PPP1R2: variants seen among roughly 807,000 people sequenced by gnomAD.
PPP1R2 encodes protein phosphatase 1 regulatory inhibitor subunit 2.
A neutral mutation model predicts 29.9 loss-of-function variants in PPP1R2; 16 were observed. The observed-to-expected ratio is 0.53, with a 90% confidence interval of 0.36 to 0.81. The LOEUF (loss-of-function observed/expected upper bound fraction) is 0.81, where lower values mean the gene tolerates loss of function less well. Among genes scored for constraint, PPP1R2 ranks in the 30% least tolerant of loss-of-function variants. PPP1R2 has a pLI of 0.00. For synonymous variants in PPP1R2, 76 were observed against 91.5 expected (o/e 0.83, Z 0.96); for missense variants, 197 against 252.7 (o/e 0.78, Z 1.49).
At chr3:195,535,074 GT>G (rs2108951788) in intron 1 of PPP1R2, among the ~76,000 whole-genome samples, 1 of 152,324 alleles carries the variant, frequency 6.6e-6, no homozygotes, top group Non-Finnish European at 1.5e-5. Flanking sequence ...TTTAGCACCA[GT>G]GAGCGGTTTC....
At chr3:195,531,608 T>C (rs1019643839) in intron 1 of PPP1R2, among the ~76,000 whole-genome samples, 3 of 152,246 alleles carry the variant, frequency 2.0e-5, no homozygotes, top group African/African-American at 7.2e-5. Flanking sequence ...AGCACTTTTT[T>C]TCTTCATTTT....
intron 1 of PPP1R2, among the ~76,000 whole-genome samples, chr3:195,532,666 A>G (rs1021331751): frequency 2.2e-4 from 34 of 152,196 alleles, no homozygotes; most frequent in African/African-American, 8.0e-4. Context: ...CTTGAATATT[A>G]TGAGTTTGAA....
chr3:195,536,176 G>T (rs1719374586), intron 1 of PPP1R2, among the ~76,000 whole-genome samples: 1 of 151,988 alleles, frequency 6.6e-6, no homozygotes, highest in Non-Finnish European at 1.5e-5. Context: ...AGTTTTGGGG[G>T]GCTGGGCACA....
At position 195,527,790 on chromosome 3, in the gene PPP1R2, C is replaced by T. The variant is rs376901693; in HGVS notation, c.230+2004G>A. On this transcript the variant is annotated intron_variant, in intron 2 of 5. Coordinates refer to ENST00000618156, the MANE Select transcript of PPP1R2 (RefSeq NM_006241.8). The stretch of plus-strand genomic sequence containing the variant: ...GCGGAGGAGGGAGGATCACTTGAGT[C>T]GGGAGTTCCAGGCTGTAGTGTGCTA... 445 of 196,476 alleles carry T rather than the reference C, an allele frequency of 2.3e-3. 1 individual carries two copies. The highest frequency in any genetic ancestry group is 3.7e-3 in the South Asian group (54 of 14,646). 12.2% of individuals were successfully genotyped at this position (196,476 alleles called of 1,614,324 possible). A position where few individuals can be genotyped will look rare whatever the true frequency, so the allele number is the denominator to read the frequency against.
At chr3:195,536,687 C>A (rs1719397649) in intron 1 of PPP1R2, among the ~76,000 whole-genome samples, 1 of 149,894 alleles carries the variant, frequency 6.7e-6, no homozygotes, top group East Asian at 2.0e-4. Flanking sequence ...ACTCAGGGGG[C>A]TGAGGCTGGA....
At chr3:195,538,058 T>C (rs1719460413) in intron 1 of PPP1R2, among the ~76,000 whole-genome samples, 1 of 152,210 alleles carries the variant, frequency 6.6e-6, no homozygotes, top group African/African-American at 2.4e-5. Flanking sequence ...TATGACCTCC[T>C]TTGAGGTCAG....
chr3:195,542,864 G>C (rs1451899481), intron 1 of PPP1R2, 40 bp downstream of exon 1: 2 of 1,574,532 alleles, frequency 1.3e-6, no homozygotes, highest in Non-Finnish European at 1.7e-6. Flanking sequence ...CGGGCCCGGC[G>C]GGAAGGAGGG....
At chr3:195,532,364 T>C (rs1423909829) in intron 1 of PPP1R2, among the ~76,000 whole-genome samples, 2 of 151,978 alleles carry the variant, frequency 1.3e-5, no homozygotes, top group African/African-American at 2.4e-5. Flanking sequence ...ATCAAATTAA[T>C]ATGTCCTTAG....
rs1560434878 is a variant in PPP1R2, at chr3:195,523,790, T to C, written c.309-4A>G. The C allele has an allele frequency of 1.2e-6, 2 of 1,611,982 alleles. No homozygotes were observed. The highest frequency in any genetic ancestry group is 1.1e-5 in the South Asian group (1 of 90,960). On this transcript the variant is annotated splice_region_variant and splice_polypyrimidine_tract_variant and intron_variant, in intron 3 of 5. Coordinates refer to ENST00000618156, the MANE Select transcript of PPP1R2 (RefSeq NM_006241.8). Reference sequence around the variant, plus strand: ...CAAGCCTTCAGCTGCAGCTAATCTATGCAACAATCATGTACAAAGAAATTA... The same window carrying C: ...CAAGCCTTCAGCTGCAGCTAATCTACGCAACAATCATGTACAAAGAAATTA...
At chr3:195,532,788 T>C (rs1577578562) in intron 1 of PPP1R2, among the ~76,000 whole-genome samples, 1 of 152,260 alleles carries the variant, frequency 6.6e-6, no homozygotes, top group African/African-American at 2.4e-5. Flanking sequence ...CCCAGAAATA[T>C]TTAAAAAAAC....
intron 4 of PPP1R2, among the ~76,000 whole-genome samples, chr3:195,521,296 C>A (rs1718750525): frequency 9.5e-6 from 1 of 105,694 alleles, no homozygotes; most frequent in Non-Finnish European, 1.7e-5. Context: ...GCCTGGGCGA[C>A]AGAGCAGGAC....
At chr3:195,522,846 C>A (rs1048158997) in intron 4 of PPP1R2, among the ~76,000 whole-genome samples, 8 of 152,168 alleles carry the variant, frequency 5.3e-5, no homozygotes, top group Non-Finnish European at 8.8e-5. Flanking sequence ...GGAGGTAGTC[C>A]CTACGCCACA....
At chr3:195,531,112 C>T (rs952293949) in intron 1 of PPP1R2, among the ~76,000 whole-genome samples, 2 of 152,200 alleles carry the variant, frequency 1.3e-5, no homozygotes, top group African/African-American at 2.4e-5. Context: ...AGTGAGCCAC[C>T]GTGCCTGGCC....
chr3:195,522,482 C>G (rs1193212113), intron 4 of PPP1R2, among the ~76,000 whole-genome samples: 7 of 152,164 alleles, frequency 4.6e-5, no homozygotes, highest in African/African-American at 1.7e-4. Context: ...AGAAAAACAT[C>G]CCTCAATTAA....
At position 195,514,779 on chromosome 3, in the gene PPP1R2, A is replaced by G. The variant is rs1446796652; in HGVS notation, c.*2117T>C. 1.3e-5 allele frequency: 2 copies of G among 155,326 alleles called. No homozygotes were observed. Among genetic ancestry groups the G allele is most frequent in the African/African-American group, 2.4e-5 (1 of 41,534 alleles). 9.6% of individuals were successfully genotyped at this position (155,326 alleles called of 1,614,324 possible). A position where few individuals can be genotyped will look rare whatever the true frequency, so the allele number is the denominator to read the frequency against. ...TATTTTGACTAGTTCATACCCTATC[A>G]ATTACCTACTTATGACTTGAACATA... On this transcript the variant is annotated 3_prime_UTR_variant, in exon 6 of 6. Coordinates refer to ENST00000618156, the MANE Select transcript of PPP1R2 (RefSeq NM_006241.8).
intron 4 of PPP1R2, 22 bp from the exon 5 acceptor site, chr3:195,519,207 C>T: frequency 6.4e-7 from 1 of 1,557,814 alleles, no homozygotes; most frequent in Non-Finnish European, 8.7e-7. Flanking sequence ...AAAATGTAAA[C>T]TTAGGAAGTT....
rs373331971 is a variant in PPP1R2, at chr3:195,543,075, C to G, written c.-50G>C. ...CAGGGTCGCTGCTTGGCGTGGGGTC[C>G]GCGAAGAGAAGGGTCGGCACAGCAG... On this transcript the variant is annotated 5_prime_UTR_variant, in exon 1 of 6. Transcript: ENST00000618156. The G allele has an allele frequency of 5.0e-4, 783 of 1,568,872 alleles. 4 individuals carry two copies. In the African/African-American group the frequency reaches 9.9e-3, roughly 20 times the overall value.
At chr3:195,535,907 C>A (rs1490595631) in intron 1 of PPP1R2, among the ~76,000 whole-genome samples, 1 of 152,068 alleles carries the variant, frequency 6.6e-6, no homozygotes, top group African/African-American at 2.4e-5. Context: ...AGTGAGCCTG[C>A]CTCTCCTTCT....
At chr3:195,541,617 C>T (rs1020584916) in intron 1 of PPP1R2, among the ~76,000 whole-genome samples, 8 of 151,958 alleles carry the variant, frequency 5.3e-5, no homozygotes, top group Non-Finnish European at 1.2e-4. Flanking sequence ...TTTTAACTAA[C>T]TTGGTTCTCC....
Sources: allele counts gnomAD v4.1 joint callset (sites outside exome capture counted in the v4.1 genomes callset), GRCh38; gene constraint gnomAD v4.1.1; transcripts MANE v1.5; gene names NCBI Gene and HGNC (gene_info 2026-07-23, HGNC 2026-07-21).